The following EGF variants were observed in gnomAD, a reference collection of about 807,000 sequenced individuals.
The protein encoded by EGF is epidermal growth factor.
In EGF, 95 loss-of-function variants were observed where a neutral mutation model predicts 143.8. The observed-to-expected ratio is 0.66, with a 90% CI of 0.56 to 0.78. The LOEUF (loss-of-function observed/expected upper bound fraction) is 0.78. Ranked by LOEUF, EGF falls within the 30% of genes least tolerant of loss-of-function variation. EGF has a pLI of 0.00. For missense variants in EGF, 1,320 were observed against 1,470.9 expected, an observed-to-expected ratio of 0.90 and a Z score of 1.68; for synonymous variants, 510 against 510.5, an observed-to-expected ratio of 1.00 and a Z score of 0.01.
chr4:109,946,274 A>G lies in EGF; in HGVS notation c.940+999A>G, dbSNP rs11568916. The stretch of plus-strand genomic sequence containing the variant: ...TGATCCATTCACTCCCCTACATAAA[A>G]TCCTTCAAAAGCTTTTCTTTGCACT... On this transcript the variant is annotated intron_variant, in intron 5 of 23. Transcript: ENST00000265171. Among the ~76,000 whole-genome samples, 768 of 152,250 alleles carry G rather than the reference A, an allele frequency of 5.0e-3. 11 individuals carry two copies. The highest frequency in any genetic ancestry group is 0.018 in the African/African-American group (733 of 41,542).
intron 16 of EGF, among the ~76,000 whole-genome samples, chr4:109,987,103 A>C (rs1750242289): frequency 6.6e-6 from 1 of 152,208 alleles, no homozygotes; most frequent in South Asian, 2.1e-4. Flanking sequence ...ATGGTTGGGA[A>C]GTTTCAAAAC....
chr4:109,917,472 G>A (rs1252027001), intron 1 of EGF, among the ~76,000 whole-genome samples: 1 of 151,528 alleles, frequency 6.6e-6, no homozygotes, highest in Admixed American at 6.6e-5. Context: ...GTTGGTTGGA[G>A]GTTTTTTAGC....
rs1356786444 is a variant in EGF at position 110,012,984 on chromosome 4, T to A, written c.*1529T>A. Among the ~76,000 whole-genome samples the A allele has an allele frequency of 1.3e-5, 2 of 152,196 alleles. No homozygotes were observed. The highest frequency in any genetic ancestry group is 3.8e-4 in the East Asian group (2 of 5,202). On this transcript the variant is annotated 3_prime_UTR_variant, in exon 24 of 24. Transcript: ENST00000265171. Reference sequence around the variant, plus strand: ...AGTACCTGTTTTCAAATGGATACTTTATAGGAATTTTGGTAAAGATTTGGT... The same window carrying A: ...AGTACCTGTTTTCAAATGGATACTTAATAGGAATTTTGGTAAAGATTTGGT...
At chr4:109,969,158 G>A (rs1161971468) in intron 11 of EGF, 39 bp downstream of exon 11, 4 of 1,613,272 alleles carry the variant, frequency 2.5e-6, no homozygotes, top group Non-Finnish European at 3.4e-6. Flanking sequence ...TGTGAGATGG[G>A]AGTGATGGGA....
At chr4:109,969,416 A>G (rs1297275009) in intron 11 of EGF, among the ~76,000 whole-genome samples, 1 of 152,114 alleles carries the variant, frequency 6.6e-6, no homozygotes, top group Non-Finnish European at 1.5e-5. Context: ...GAACACATGG[A>G]CAGAGGGAGG....
At position 109,963,163 on chromosome 4, in the gene EGF, G is replaced by T. The variant is rs11568952; in HGVS notation, c.1313-10G>T. 0.014 allele frequency: 22,023 copies of T among 1,613,310 alleles called. 203 individuals are homozygous for T. Among genetic ancestry groups the T allele is most frequent in the Non-Finnish European group, 0.017 (20,232 of 1,179,514 alleles). On this transcript the variant is annotated splice_polypyrimidine_tract_variant and intron_variant, in intron 8 of 23. Transcript: ENST00000265171. ...GACGTAGCATCATTACTAAGCAATT[G>T]TTTTTGTAGGTTGTTCCTCACCCGA...
At chr4:109,945,732 G>A (rs1433654395) in intron 5 of EGF, among the ~76,000 whole-genome samples, 1 of 152,182 alleles carries the variant, frequency 6.6e-6, no homozygotes, top group African/African-American at 2.4e-5. Context: ...TAAATTTTTA[G>A]AGAAGTGACA....
intron 22 of EGF, 115 bp from the exon 23 acceptor site, chr4:110,008,033 TCTGA>T: frequency 1.1e-6 from 1 of 931,370 alleles, no homozygotes; most frequent in Non-Finnish European, 1.7e-6. Flanking sequence ...GGGCCTTTCT[TCTGA>T]CTTTCACTTT....
At chr4:109,968,174 C>T (rs1200963209) in intron 10 of EGF, among the ~76,000 whole-genome samples, 4 of 152,130 alleles carry the variant, frequency 2.6e-5, no homozygotes, top group African/African-American at 4.8e-5. Context: ...GAATCACCAT[C>T]GTATATGCAG....
intron 11 of EGF, among the ~76,000 whole-genome samples, chr4:109,974,218 G>A (rs1321116166): frequency 6.6e-6 from 1 of 152,140 alleles, no homozygotes; most frequent in Non-Finnish European, 1.5e-5. Flanking sequence ...CAGATGCCAA[G>A]GGACAATTTT....
At chr4:109,937,482 T>G (rs570008260) in intron 1 of EGF, among the ~76,000 whole-genome samples, 1 of 152,202 alleles carries the variant, frequency 6.6e-6, no homozygotes, top group South Asian at 2.1e-4. Context: ...TGGTCTTGAC[T>G]CTTTATCCAA....
chr4:109,962,749 A>G (rs1745908560), intron 8 of EGF, among the ~76,000 whole-genome samples: 1 of 152,118 alleles, frequency 6.6e-6, no homozygotes, highest in Non-Finnish European at 1.5e-5. Context: ...CAGCCATATG[A>G]ATGATTGTGG....
chr4:109,989,119 G>T (rs141476144), intron 18 of EGF, among the ~76,000 whole-genome samples: 1 of 152,296 alleles, frequency 6.6e-6, no homozygotes, highest in African/African-American at 2.4e-5. Flanking sequence ...AGTCACTGCT[G>T]TGTGTATAAA....
At chr4:109,951,146 A>AAAAATAAAAT (rs59869160) in intron 5 of EGF, among the ~76,000 whole-genome samples, 5,804 of 132,930 alleles carry the variant, frequency 0.044, 161 homozygotes, top group African/African-American at 0.073. Flanking sequence ...GTCTCTACTA[A>AAAAATAAAAT]AAAATAAAAT....
intron 1 of EGF, among the ~76,000 whole-genome samples, chr4:109,926,149 T>C (rs989008213): frequency 2.6e-5 from 4 of 152,086 alleles, no homozygotes; most frequent in African/African-American, 4.8e-5. Flanking sequence ...AGGCCAGAGT[T>C]TGTGACCAGC....
rs149873664 is a variant in EGF at position 109,952,575 on chromosome 4, G to A, written c.941-6737G>A. On this transcript the variant is annotated intron_variant, in intron 5 of 23. Coordinates refer to ENST00000265171, the MANE Select transcript of EGF (RefSeq NM_001963.6). ...ATTTTGAAACCACTGGAAAAGAATC[G>A]TCCTAAAAAGATAAATATTTAGTTC... Among the ~76,000 whole-genome samples, 46 of 152,210 alleles carry A rather than the reference G, an allele frequency of 3.0e-4. No homozygotes were observed. The East Asian group carries it at 5.8e-3, about 19-fold the overall frequency.
In EGF at chr4:109,959,358, G is replaced by T; in HGVS notation, c.987G>T (p.Val329=). 1 of 1,613,572 alleles carries T rather than the reference G, an allele frequency of 6.2e-7. No homozygotes were observed. Among genetic ancestry groups the T allele is most frequent in the Non-Finnish European group, 8.5e-7 (1 of 1,179,936 alleles). The change falls in exon 6 of 24, where the codon GTG becomes GTT. Residue 329 remains valine (V), a synonymous_variant. Coordinates refer to ENST00000265171, the MANE Select transcript of EGF (RefSeq NM_001963.6). ...KLRKGNCSST[V]CGQDLQSHLC... ...GGAAAGGAAACTGCAGCAGCACTGT[G>T]TGTGGGCAAGACCTCCAGTCACACT...
chr4:109,928,537 T>C (rs1462582027), intron 1 of EGF, among the ~76,000 whole-genome samples: 1 of 152,160 alleles, frequency 6.6e-6, no homozygotes. Context: ...GCCAGACTCT[T>C]AGTTAATTCT....
At chr4:109,976,855 G>A (rs1408080918) in intron 13 of EGF, among the ~76,000 whole-genome samples, 1 of 152,182 alleles carries the variant, frequency 6.6e-6, no homozygotes, top group African/African-American at 2.4e-5. Flanking sequence ...ATTGGCCTTT[G>A]TATGTTAGTA....
Sources: gnomAD v4.1 joint callset for allele counts (sites outside exome capture counted in the v4.1 genomes callset) on GRCh38, gnomAD v4.1.1 for gene constraint, MANE v1.5 for transcripts, NCBI Gene and HGNC (gene_info 2026-07-23, HGNC 2026-07-21) for gene names.